Variants in KLHL26 observed in about 807,000 individuals in gnomAD.
KLHL26 encodes the protein kelch like family member 26.
A neutral mutation model predicts 7.1 loss-of-function variants in KLHL26; 4 were observed. The ratio of observed to expected loss-of-function variants is 0.56; its 90% CI spans 0.28 to 1.28. KLHL26 has a LOEUF of 1.28. KLHL26 is among the 50% of genes most tolerant of loss of function. The probability of loss-of-function intolerance (pLI) is 0.11; values close to 1 mark genes in which losing one functional copy is unlikely to be tolerated. For synonymous variants in KLHL26, 465 were observed against 414.1 expected (o/e 1.12, Z -1.49); for missense variants, 896 against 924.6 (o/e 0.97, Z 0.40).
intron 1 of KLHL26, among the ~76,000 whole-genome samples, chr19:18,647,251 C>T (rs1033474508): frequency 7.9e-5 from 12 of 152,192 alleles, no homozygotes; most frequent in African/African-American, 1.4e-4. Context: ...ACCCCCGGGA[C>T]GGCCTCCTTG....
chr19:18,648,730 C>T lies in KLHL26; in HGVS notation c.83+11593C>T, dbSNP rs191559886. Among the ~76,000 whole-genome samples, 4 of 152,294 alleles carry T rather than the reference C, an allele frequency of 2.6e-5. No individual in the cohort carries two copies. Among genetic ancestry groups the T allele is most frequent in the East Asian group, 1.9e-4 (1 of 5,184 alleles). On this transcript the variant is annotated intron_variant, in intron 1 of 2. Coordinates refer to ENST00000300976, the MANE Select transcript of KLHL26 (RefSeq NM_018316.3). This position sits in a 1 kb window ranked among gnomAD's most constrained non-coding sequence, Gnocchi z 4.9. The stretch of plus-strand genomic sequence containing the variant: ...AGGTCCCAGTCCTGGGAATGTCCCT[C>T]CTCCTGAGAGAAGGCCTCAGTCTGG...
chr19:18,659,776 C>T (rs1450699556), intron 1 of KLHL26: 1 of 152,386 alleles, frequency 6.6e-6, no homozygotes, highest in Non-Finnish European at 1.5e-5. Context: ...GGGGCGCCTG[C>T]CCTGACAGGT....
rs144974449 is a variant in KLHL26, at chr19:18,668,311, G to A, written c.914G>A (p.Arg305His). 37 of 1,610,938 alleles carry A rather than the reference G, an allele frequency of 2.3e-5. No individual in the cohort carries two copies. In the African/African-American group the frequency reaches 4.1e-4, roughly 18 times the overall value. ...ATGCAGTCTCCGCGCACCGCCGTGC[G>A]CTCGGATGTGCCCTCGCTCGTCACC... ...HEMQSPRTAVRSDVPSLVTFG... is the reference protein window; with the variant it reads ...HEMQSPRTAVHSDVPSLVTFG... The change falls in exon 3 of 3, where the codon CGC becomes CAC. Residue 305 changes from arginine (R) to histidine (H), a missense_variant. Coordinates refer to ENST00000300976, the MANE Select transcript of KLHL26 (RefSeq NM_018316.3).
intron 2 of KLHL26, among the ~76,000 whole-genome samples, chr19:18,666,529 G>A (rs184365591): frequency 3.9e-5 from 6 of 152,316 alleles, no homozygotes; most frequent in Admixed American, 1.3e-4. Context: ...ACCTAGAACC[G>A]TGTGCCTCCC....
At chr19:18,667,432 C>G (rs1162807193) in intron 2 of KLHL26, 1 of 616,614 alleles carries the variant, frequency 1.6e-6, no homozygotes, top group Non-Finnish European at 2.8e-6. Flanking sequence ...TCTCGATCTC[C>G]TGATCTCATG....
intron 1 of KLHL26, among the ~76,000 whole-genome samples, chr19:18,661,249 GATCCT>G (rs1399257630): frequency 4.6e-5 from 7 of 152,248 alleles, no homozygotes; most frequent in African/African-American, 1.7e-4. Context: ...CAGCTGAACT[GATCCT>G]GCCTTCTGGG....
chr19:18,651,983 C>T (rs1201061737), intron 1 of KLHL26, among the ~76,000 whole-genome samples: 3 of 152,202 alleles, frequency 2.0e-5, no homozygotes, highest in Admixed American at 1.3e-4. Context: ...GCCCACTCGT[C>T]AGCCCTGGAT....
In KLHL26 at chr19:18,668,504, G is replaced by A; in HGVS notation, c.1107G>A (p.Gln369=). The A allele has an allele frequency of 6.2e-7, 1 of 1,604,968 alleles. No homozygotes were observed. The highest frequency in any genetic ancestry group is 8.5e-7 in the Non-Finnish European group (1 of 1,177,514). ...LDNFVYVAGG[Q]HLQYRSGEGA... is the part of the protein sequence containing the mutation. ...ATTTTGTGTACGTGGCCGGGGGGCA[G>A]CACCTGCAGTACCGCAGCGGCGAGG... Residue 369 remains glutamine, a synonymous_variant, in exon 3 of 3, where the codon CAG becomes CAA. Transcript: ENST00000300976.
intron 1 of KLHL26, among the ~76,000 whole-genome samples, chr19:18,663,273 C>T (rs941733516): frequency 2.0e-5 from 3 of 152,172 alleles, no homozygotes; most frequent in African/African-American, 4.8e-5. Context: ...CCTGAAGCCC[C>T]TCTCCCCGGC....
Position 18,669,311 on chromosome 19 carries a change from C to G in KLHL26, c.*66C>G. On this transcript the variant is annotated 3_prime_UTR_variant, in exon 3 of 3. Transcript: ENST00000300976. ...CTCCAAGTGGGGCTTGGCGAATGCA[C>G]GTCTGCCTGAGAACCCCAGTGCCCC... The G allele has an allele frequency of 7.5e-7, 1 of 1,338,494 alleles. No homozygotes were observed. Among genetic ancestry groups the G allele is most frequent in the South Asian group, 1.3e-5 (1 of 78,832 alleles). The allele number at this position is 1,338,494 out of a possible 1,614,324, so 82.9% of individuals were successfully genotyped here.
In KLHL26 at chr19:18,669,134, GGT is replaced by G; in HGVS notation, c.1740_1741del (p.Tyr581GlnfsTer45). On this transcript the variant is annotated frameshift_variant, in exon 3 of 3. Transcript: ENST00000300976. LOFTEE classifies it high-confidence loss of function. Reference protein sequence around the residue: ...RLNNVTGIVQVYNTDTDEWER... With the variant: ...RLNNVTGIVQXYNTDTDEWER... ...TCAACAACGTCACGGGCATCGTACAGGTGTACAACACGGACACCGACGAGTGG... is the reference window on the plus strand; with the variant it reads ...TCAACAACGTCACGGGCATCGTACAGGTACAACACGGACACCGACGAGTGG... 1 of 1,612,932 alleles carries G rather than the reference GGT, an allele frequency of 6.2e-7. No individual in the cohort carries two copies. Among genetic ancestry groups the G allele is most frequent in the Non-Finnish European group, 8.5e-7 (1 of 1,179,978 alleles).
At position 18,669,125 on chromosome 19, in the gene KLHL26, C is replaced by T. The variant is rs1214747676; in HGVS notation, c.1728C>T (p.Gly576=). The T allele has an allele frequency of 4.3e-6, 7 of 1,612,942 alleles. No homozygotes were observed. Among genetic ancestry groups the T allele is most frequent in the Non-Finnish European group, 5.9e-6 (7 of 1,179,986 alleles). Residue 576 remains glycine, a synonymous_variant, in exon 3 of 3, where the codon GGC becomes GGT. Coordinates refer to ENST00000300976, the MANE Select transcript of KLHL26 (RefSeq NM_018316.3). ...ACTGGCGTCTCAACAACGTCACGGG[C>T]ATCGTACAGGTGTACAACACGGACA... ...GYNWRLNNVT[G]IVQVYNTDTD...
chr19:18,668,071 A>C lies in KLHL26; in HGVS notation c.674A>C (p.Asp225Ala), dbSNP rs768271652. 21 of 1,606,272 alleles carry C rather than the reference A, an allele frequency of 1.3e-5. No homozygotes were observed. Among genetic ancestry groups the C allele is most frequent in the Admixed American group, 5.0e-5 (3 of 59,996 alleles). Reference protein sequence around the residue: ...SNRLQSCAEIDLFRAAVRWLQ... With the variant: ...SNRLQSCAEIALFRAAVRWLQ... ...CGGCTGCAGAGCTGTGCCGAGATCGACCTGTTCCGCGCGGCCGTCCGCTGG... is the reference window on the plus strand; with the variant it reads ...CGGCTGCAGAGCTGTGCCGAGATCGCCCTGTTCCGCGCGGCCGTCCGCTGG... Residue 225 changes from aspartate to alanine, a missense_variant, in exon 3 of 3, where the codon GAC (aspartate) becomes GCC (alanine). Physicochemically the swap from Asp to Ala is moderately radical, Grantham distance 126. Coordinates refer to ENST00000300976, the MANE Select transcript of KLHL26 (RefSeq NM_018316.3).
chr19:18,668,171 G>A lies in KLHL26; in HGVS notation c.774G>A (p.Ser258=), dbSNP rs190905566. 104 of 1,609,816 alleles carry A rather than the reference G, an allele frequency of 6.5e-5. No individual in the cohort carries two copies. The Admixed American group carries it at 1.3e-3, about 20-fold the overall frequency. The change falls in exon 3 of 3, where the codon TCG becomes TCA. Residue 258 remains serine (S), a synonymous_variant. Coordinates refer to ENST00000300976, the MANE Select transcript of KLHL26 (RefSeq NM_018316.3). ...ACATTCGCTTCCCGCTCATGCAGTC[G>A]TCCGAGCTGGTGGACAGCGTGCAGA... is the stretch of plus-strand genomic sequence containing the variant. ...LCHIRFPLMQ[S]SELVDSVQTL... is the part of the protein sequence containing the mutation.
At position 18,650,899 on chromosome 19, in the gene KLHL26, G is replaced by GC. The variant is rs1600691377; in HGVS notation, c.84-13358dup. Among the ~76,000 whole-genome samples the GC allele has an allele frequency of 2.0e-5, 3 of 152,252 alleles. No homozygotes were observed. In the East Asian group the frequency reaches 5.8e-4, roughly 29 times the overall value. ...CTCAGCGGGGCTTCCTGACCCCTCA[G>GC]CCCCGGTAGGAAGCTGGTGTGCACT... On this transcript the variant is annotated intron_variant, in intron 1 of 2. Coordinates refer to ENST00000300976, the MANE Select transcript of KLHL26 (RefSeq NM_018316.3). The surrounding 1 kb of genome is among the most constrained non-coding windows in gnomAD (Gnocchi z 4.2).
chr19:18,637,101 C>T lies in KLHL26; in HGVS notation c.47C>T (p.Ala16Val). The T allele has an allele frequency of 7.2e-7, 1 of 1,381,494 alleles. No homozygotes were observed. 85.6% of individuals were successfully genotyped at this position (1,381,494 alleles called of 1,614,324 possible). Reference protein sequence around the residue: ...GSSGGAGGGGAFGAGPGPERP... With the variant: ...GSSGGAGGGGVFGAGPGPERP... ...AGCGGTGGTGCTGGTGGCGGCGGCG[C>T]TTTCGGCGCGGGCCCGGGCCCCGAG... Residue 16 changes from alanine to valine, a missense_variant, in exon 1 of 3, where the codon GCT (alanine) becomes GTT (valine). Transcript: ENST00000300976.
chr19:18,638,696 T>A (rs560399384), intron 1 of KLHL26, among the ~76,000 whole-genome samples: 1 of 152,152 alleles, frequency 6.6e-6, no homozygotes, highest in Non-Finnish European at 1.5e-5. Context: ...GGGCTTTTTT[T>A]ATTTTTATTT....
In KLHL26 at chr19:18,654,602, C is replaced by T. The variant is rs549572411; in HGVS notation, c.84-9659C>T. Among the ~76,000 whole-genome samples the T allele has an allele frequency of 5.3e-5, 8 of 151,268 alleles. No homozygotes were observed. In the East Asian group the frequency reaches 9.8e-4, roughly 19 times the overall value. ...CCAGCTATCCACCCATCCATTCATC[C>T]GTCCATCCGTTCATCCACCCATCCA... is the stretch of plus-strand genomic sequence containing the variant. On this transcript the variant is annotated intron_variant, in intron 1 of 2. Coordinates refer to ENST00000300976, the MANE Select transcript of KLHL26 (RefSeq NM_018316.3).
chr19:18,662,130 T>C (rs1298645647), intron 1 of KLHL26, among the ~76,000 whole-genome samples: 1 of 152,156 alleles, frequency 6.6e-6, no homozygotes, highest in Non-Finnish European at 1.5e-5. Context: ...CGTGGTGAAC[T>C]TGTCCCAGTG....
Sources: allele counts gnomAD v4.1 joint callset (sites outside exome capture counted in the v4.1 genomes callset), GRCh38; gene constraint gnomAD v4.1.1; non-coding constraint Gnocchi (gnomAD v3.1); transcripts MANE v1.5; gene names NCBI Gene and HGNC (gene_info 2026-07-23, HGNC 2026-07-21).